The following FAM161B variants were observed in gnomAD, a reference collection of about 807,000 sequenced individuals.
FAM161B encodes protein FAM161B.
In FAM161B, 46 loss-of-function variants were observed where a neutral mutation model predicts 61.5. That is an observed-to-expected ratio of 0.75 (90% CI 0.59 to 0.96). The LOEUF is 0.96. FAM161B is among the 40% of genes least tolerant of loss of function. The pLI, the probability that FAM161B is intolerant of heterozygous loss-of-function variation, is 0.00. For missense variants in FAM161B, 774 were observed against 800.7 expected, an observed-to-expected ratio of 0.97 and a Z score of 0.40; for synonymous variants, 284 against 302.7, an observed-to-expected ratio of 0.94 and a Z score of 0.64.
chr14:73,931,797 A>C, downstream of FAM161B: 1 of 494,468 alleles, frequency 2.0e-6, no homozygotes, highest in East Asian at 4.1e-5. Context: ...CCCACTGCAA[A>C]TTTCTGGGAT....
At chr14:73,923,120 T>C in the FAM161B span, among the ~76,000 whole-genome samples, 2 of 152,220 alleles carry the variant, frequency 1.3e-5, no homozygotes, top group Non-Finnish European at 2.9e-5. Flanking sequence ...CCTAAGACTT[T>C]TGCCTGTTTC....
At chr14:73,946,146 G>T in intron 2 of FAM161B, 140 bp downstream of exon 2, 1 of 855,526 alleles carries the variant, frequency 1.2e-6, no homozygotes, top group Non-Finnish European at 1.8e-6. Context: ...GGAACCAAAA[G>T]CTGATTCTCA....
At chr14:73,937,239 C>G (rs183717164) in intron 7 of FAM161B, among the ~76,000 whole-genome samples, 3 of 152,234 alleles carry the variant, frequency 2.0e-5, no homozygotes, top group East Asian at 3.9e-4. Context: ...AGCAGCACTG[C>G]CAGAGGAGAG....
At position 73,934,896 on chromosome 14, in the gene FAM161B, A is replaced by C. The variant is rs551905941; in HGVS notation, c.1806-502T>G. ...ACCCCATCTCTACTAAAAATACAAA[A>C]AATAGCTGGGCGTGGTAGTGGACAC... On this transcript the variant is annotated intron_variant, in intron 8 of 8. Transcript: ENST00000286544. Among the ~76,000 whole-genome samples, 4 of 152,008 alleles carry C rather than the reference A, an allele frequency of 2.6e-5. No individual in the cohort carries two copies. The South Asian group carries it at 8.3e-4, about 32-fold the overall frequency.
In FAM161B at chr14:73,940,994, A is replaced by G. The variant is rs1293268775; in HGVS notation, c.1332T>C (p.Ala444=). ...CAGGGAGAGTGTTGGCAGAGAGGGA[A>G]GCAAGGCCGCTCAGAGAACGACTCC... ...LPRSRSLSGL[A]SLSANTLPVH... Residue 444 remains alanine, a synonymous_variant, in exon 5 of 9, where the codon GCT becomes GCC. Coordinates refer to ENST00000286544, the MANE Select transcript of FAM161B (RefSeq NM_152445.3). 9 of 1,613,548 alleles carry G rather than the reference A, an allele frequency of 5.6e-6. No individual in the cohort carries two copies. The South Asian group carries it at 6.6e-5, about 12-fold the overall frequency.
At position 73,944,610 on chromosome 14, in the gene FAM161B, CG is replaced by C; in HGVS notation, c.649del (p.Arg217GlyfsTer40). The C allele has an allele frequency of 1.2e-6, 2 of 1,614,002 alleles. No individual in the cohort carries two copies. The highest frequency in any genetic ancestry group is 1.7e-6 in the Non-Finnish European group (2 of 1,180,012). On this transcript the variant is annotated frameshift_variant, in exon 3 of 9. Coordinates refer to ENST00000286544, the MANE Select transcript of FAM161B (RefSeq NM_152445.3). LOFTEE classifies it high-confidence loss of function. Reference protein sequence around the residue: ...EEEAECHRQFRAQPVPAHVYL... With the variant: ...EEEAECHRQFXAQPVPAHVYL... ...GACATGTGCAGGCACAGGCTGTGCC[CG>C]GAACTGCCTGTGGCACTCGGCCTCT...
chr14:73,926,807 T>C (rs572657392), downstream of FAM161B, among the ~76,000 whole-genome samples: 29 of 152,314 alleles, frequency 1.9e-4, no homozygotes, highest in Non-Finnish European at 3.7e-4. Context: ...TTTGTTAATA[T>C]TAATTTCTCT....
Position 73,934,386 on chromosome 14 carries a change from T to A in FAM161B, c.1814A>T (p.Glu605Val), listed in dbSNP as rs1431133917. The A allele has an allele frequency of 3.8e-6, 6 of 1,598,844 alleles. No homozygotes were observed. Among genetic ancestry groups the A allele is most frequent in the Non-Finnish European group, 5.1e-6 (6 of 1,176,254 alleles). Residue 605 changes from glutamate (E) to valine (V), a missense_variant, in exon 9 of 9, where the codon GAA becomes GTA. By Grantham distance (121) the Glu-to-Val change is moderately radical. Coordinates refer to ENST00000286544, the MANE Select transcript of FAM161B (RefSeq NM_152445.3). ...ATCTCTGATGCTGAGTTTTGTAGTTTCTTGGAACCTGCAGAATAAATTAAA... is the reference window on the plus strand; with the variant it reads ...ATCTCTGATGCTGAGTTTTGTAGTTACTTGGAACCTGCAGAATAAATTAAA... ...TKIKDFPRFQ[E>V]TTKLSIRDPE...
At chr14:73,949,566 C>T (rs1430120479) in intron 1 of FAM161B, among the ~76,000 whole-genome samples, 1 of 147,758 alleles carries the variant, frequency 6.8e-6, no homozygotes, top group East Asian at 2.0e-4. Flanking sequence ...ACCATGTTGG[C>T]CAGGCTGGTC....
chr14:73,935,878 T>A (rs1428399880), intron 8 of FAM161B, 71 bp downstream of exon 8: 1 of 1,488,900 alleles, frequency 6.7e-7, no homozygotes, highest in African/African-American at 1.4e-5. Flanking sequence ...TATTCTAAAG[T>A]TTCCTCCCAG....
At chr14:73,939,201 G>A (rs1485915589) in intron 5 of FAM161B, among the ~76,000 whole-genome samples, 1 of 152,118 alleles carries the variant, frequency 6.6e-6, no homozygotes, top group Non-Finnish European at 1.5e-5. Flanking sequence ...TTGGGAGGCT[G>A]AGGCAGGAGA....
rs781467581 is a variant in FAM161B at position 73,935,952 on chromosome 14, G to C, written c.1802C>G (p.Pro601Arg). 7 of 1,606,996 alleles carry C rather than the reference G, an allele frequency of 4.4e-6. No homozygotes were observed. The highest frequency in any genetic ancestry group is 6.0e-6 in the Non-Finnish European group (7 of 1,175,508). Residue 601 changes from proline to arginine, a missense_variant, in exon 8 of 9, where the codon CCC becomes CGC. Coordinates refer to ENST00000286544, the MANE Select transcript of FAM161B (RefSeq NM_152445.3). ...QEKETKIKDF[P>R]RFQETTKLSI... ...TGACAGCAACATTTCAGGTTACCTG[G>C]GAAAATCCTTGATTTTGGTCTCTTT...
Position 73,932,633 on chromosome 14 carries a change from A to G in FAM161B, c.*1623T>C, listed in dbSNP as rs1411049153. ...ACTGAGAAAATATCCACTCATCATC[A>G]TTATGATTTGAGATGGGGTCTTGCT... On this transcript the variant is annotated 3_prime_UTR_variant, in exon 9 of 9. Transcript: ENST00000286544. 6 of 374,290 alleles carry G rather than the reference A, an allele frequency of 1.6e-5. No individual in the cohort carries two copies. Among genetic ancestry groups the G allele is most frequent in the Non-Finnish European group, 3.1e-5 (6 of 192,796 alleles). The allele number at this position is 374,290 out of a possible 1,614,324, so 23.2% of individuals were successfully genotyped here. A position where few individuals can be genotyped will look rare whatever the true frequency, so the allele number is the denominator to read the frequency against.
chr14:73,927,856 T>TTTTTTG (rs1260477920), downstream of FAM161B: 2 of 154,136 alleles, frequency 1.3e-5, no homozygotes, highest in Non-Finnish European at 1.4e-5. Context: ...TTTAATTTTT[T>TTTTTTG]AGACGGAGTC....
chr14:73,938,732 A>T (rs2055993059), intron 5 of FAM161B, among the ~76,000 whole-genome samples: 1 of 148,964 alleles, frequency 6.7e-6, no homozygotes, highest in Non-Finnish European at 1.5e-5. Flanking sequence ...AGATCGTGCC[A>T]CTGCACTCCA....
downstream of FAM161B, among the ~76,000 whole-genome samples, chr14:73,927,672 A>G (rs765152208): frequency 1.3e-5 from 2 of 152,130 alleles, no homozygotes; most frequent in Non-Finnish European, 2.9e-5. Flanking sequence ...TGTGTGGGGC[A>G]TTCTGCAGGG....
chr14:73,931,574 A>C (rs1349859706), downstream of FAM161B: 2 of 1,604,734 alleles, frequency 1.2e-6, no homozygotes. Flanking sequence ...GAGCAACTCT[A>C]TCTGATCTCA....
Position 73,944,382 on chromosome 14 carries a change from C to T in FAM161B, c.878G>A (p.Arg293Lys), listed in dbSNP as rs779781206. 2.5e-6 allele frequency: 4 copies of T among 1,604,508 alleles called. No individual in the cohort carries two copies. The South Asian group carries it at 4.4e-5, about 18-fold the overall frequency. The change falls in exon 3 of 9, where the codon AGG (arginine) becomes AAG (lysine). Residue 293 changes from arginine to lysine, a missense_variant. Coordinates refer to ENST00000286544, the MANE Select transcript of FAM161B (RefSeq NM_152445.3). ...TGGCTCCAGAATGGACTTGGGAATC[C>T]TTCTGGTGGCCTTCTGCTTGGAGAT... The part of the protein sequence containing the change: ...AKISKQKATR[R>K]IPKSILEPAL...
At chr14:73,946,151 T>G (rs1348684811) in intron 2 of FAM161B, 135 bp downstream of exon 2, 1 of 894,082 alleles carries the variant, frequency 1.1e-6, no homozygotes, top group Admixed American at 2.9e-5. Context: ...CAAAAGCTGA[T>G]TCTCAGCTAG....
Sources: gnomAD v4.1 joint callset for allele counts (sites outside exome capture counted in the v4.1 genomes callset) on GRCh38, gnomAD v4.1.1 for gene constraint, MANE v1.5 for transcripts, NCBI Gene and HGNC (gene_info 2026-07-23, HGNC 2026-07-21) for gene names.